Variants in LRRC49 observed in about 807,000 individuals in gnomAD.
LRRC49 encodes leucine-rich repeat-containing protein 49.
A neutral mutation model predicts 83.3 loss-of-function variants in LRRC49; 50 were observed. The ratio of observed to expected loss-of-function variants is 0.60; its 90% CI spans 0.48 to 0.76. LRRC49 has a LOEUF of 0.76. Among genes scored for constraint, LRRC49 ranks in the 30% least tolerant of loss-of-function variants. LRRC49 has a pLI of 0.00. For synonymous variants in LRRC49, 286 were observed against 283.3 expected, an observed-to-expected ratio of 1.01 and a Z score of -0.10; for missense variants, 704 against 809.1, an observed-to-expected ratio of 0.87 and a Z score of 1.58.
chr15:71,031,645 A>G (rs1239226117), intron 14 of LRRC49, among the ~76,000 whole-genome samples: 1 of 152,204 alleles, frequency 6.6e-6, no homozygotes. Flanking sequence ...TGTCCCAGGA[A>G]GATGGGGATT....
intron 1 of LRRC49, among the ~76,000 whole-genome samples, chr15:70,860,571 C>A (rs2032765533): frequency 6.6e-6 from 1 of 152,148 alleles, no homozygotes; most frequent in South Asian, 2.1e-4. Context: ...TGCCACCACA[C>A]CTGGCCAGTT....
intron 2 of LRRC49, chr15:70,881,663 C>T (rs1200905766): frequency 6.6e-6 from 1 of 152,026 alleles, no homozygotes; most frequent in Non-Finnish European, 1.5e-5. Context: ...ATGTAGAATT[C>T]AAAAGAGAGG....
intron 14 of LRRC49, among the ~76,000 whole-genome samples, chr15:71,027,980 T>G (rs1322229724): frequency 1.3e-5 from 2 of 152,218 alleles, no homozygotes; most frequent in Non-Finnish European, 2.9e-5. Context: ...TCCAATACTA[T>G]GTTGAATAGC....
At chr15:70,987,234 G>A (rs1181636041) in intron 11 of LRRC49, among the ~76,000 whole-genome samples, 1 of 152,124 alleles carries the variant, frequency 6.6e-6, no homozygotes, top group African/African-American at 2.4e-5. Context: ...TTGTACCTCT[G>A]GTAGAATTCG....
At position 70,963,942 on chromosome 15, in the gene LRRC49, C is replaced by T. The variant is rs753959582; in HGVS notation, c.921+10C>T. On this transcript the variant is annotated intron_variant, in intron 9 of 15. Coordinates refer to ENST00000260382, the MANE Select transcript of LRRC49 (RefSeq NM_017691.5). ...TATGAAGAGAATCACGGTGAGAACC[C>T]TTCCAAAGTGTTCACCATGTTGTTG... 6.2e-7 allele frequency: 1 copy of T among 1,610,842 alleles called. No individual in the cohort carries two copies. The highest frequency in any genetic ancestry group is 1.1e-5 in the South Asian group (1 of 90,378).
intron 8 of LRRC49, among the ~76,000 whole-genome samples, chr15:70,955,609 C>G (rs1048988649): frequency 4.6e-5 from 7 of 152,156 alleles, no homozygotes; most frequent in Admixed American, 1.3e-4. Context: ...ATCATGTAAA[C>G]CAAATCTCAA....
chr15:70,891,940 C>A (rs761596117), upstream of LRRC49: 1 of 1,613,652 alleles, frequency 6.2e-7, no homozygotes, highest in South Asian at 1.1e-5. Flanking sequence ...GCTCTCCTCG[C>A]GTGTCCAGGC....
intron 8 of LRRC49, among the ~76,000 whole-genome samples, chr15:70,948,310 A>G (rs1041306132): frequency 1.3e-5 from 2 of 152,106 alleles, no homozygotes; most frequent in East Asian, 1.9e-4. Flanking sequence ...CCTAAGTCTA[A>G]CTTTACTTCA....
chr15:71,020,853 C>T (rs1293545475), intron 14 of LRRC49, among the ~76,000 whole-genome samples: 1 of 152,102 alleles, frequency 6.6e-6, no homozygotes, highest in East Asian at 1.9e-4. Flanking sequence ...ACAGTGACCC[C>T]AGTTAGAAGG....
At chr15:71,012,940 A>G in intron 14 of LRRC49, 27 bp downstream of exon 14, 2 of 1,391,324 alleles carry the variant, frequency 1.4e-6, no homozygotes, top group Non-Finnish European at 2.0e-6. Context: ...GTAGTTTTTT[A>G]TAGAATTACT....
chr15:70,888,985 T>C (rs988862537), upstream of LRRC49, among the ~76,000 whole-genome samples: 19 of 152,198 alleles, frequency 1.2e-4, no homozygotes, highest in African/African-American at 4.3e-4. Flanking sequence ...ATGGAAACTA[T>C]CAAACTTGTG....
intron 1 of LRRC49, chr15:70,858,975 C>G: frequency 1.2e-6 from 1 of 859,396 alleles, no homozygotes; most frequent in Non-Finnish European, 2.0e-6. Flanking sequence ...CCAGGCTCTA[C>G]ACACCCAAAG....
At chr15:70,903,549 C>T (rs527884105) in intron 4 of LRRC49, among the ~76,000 whole-genome samples, 4 of 151,826 alleles carry the variant, frequency 2.6e-5, no homozygotes, top group African/African-American at 7.2e-5. Flanking sequence ...TTCTCTTTAT[C>T]AGGAAGATTC....
At chr15:70,969,497 G>GT (rs540709601) in intron 9 of LRRC49, among the ~76,000 whole-genome samples, 1 of 152,112 alleles carries the variant, frequency 6.6e-6, no homozygotes, top group Non-Finnish European at 1.5e-5. Context: ...ATTTAAAGTA[G>GT]TTTTTTCTAA....
intron 11 of LRRC49, among the ~76,000 whole-genome samples, chr15:70,988,834 G>C (rs1208866277): frequency 6.6e-6 from 1 of 151,946 alleles, no homozygotes; most frequent in Non-Finnish European, 1.5e-5. Flanking sequence ...CAGGCCTGGT[G>C]GTGACAAAAT....
At chr15:70,906,223 A>C (rs1294371145) in intron 5 of LRRC49, among the ~76,000 whole-genome samples, 1 of 151,048 alleles carries the variant, frequency 6.6e-6, no homozygotes, top group Non-Finnish European at 1.5e-5. Context: ...CAGCCTCCCG[A>C]GTAGCTGGGA....
intron 5 of LRRC49, chr15:70,907,717 C>T (rs2034375690): frequency 1.8e-5 from 5 of 278,682 alleles, no homozygotes; most frequent in Non-Finnish European, 3.7e-5. Context: ...GCATCAGTAA[C>T]ATAATGTGGC....
chr15:70,966,860 G>A (rs1308057633), intron 9 of LRRC49, among the ~76,000 whole-genome samples: 1 of 152,058 alleles, frequency 6.6e-6, no homozygotes, highest in East Asian at 1.9e-4. Context: ...AAAGTTACTT[G>A]CAGTTGTCTG....
intron 1 of LRRC49, chr15:70,858,894 G>C: frequency 1.3e-6 from 1 of 764,602 alleles, no homozygotes. Context: ...CAGTGGTATG[G>C]GAGGCATCAC....
Sources: gnomAD v4.1 joint callset for allele counts (sites outside exome capture counted in the v4.1 genomes callset) on GRCh38, gnomAD v4.1.1 for gene constraint, MANE v1.5 for transcripts, NCBI Gene and HGNC (gene_info 2026-07-23, HGNC 2026-07-21) for gene names.